DDX10: variants seen among roughly 807,000 people sequenced by gnomAD.
The protein encoded by DDX10 is probable ATP-dependent RNA helicase DDX10.
A neutral mutation model predicts 104.3 loss-of-function variants in DDX10; 74 were observed. The ratio of observed to expected loss-of-function variants is 0.71; its 90% CI spans 0.59 to 0.86. DDX10 has a LOEUF of 0.86. DDX10 is among the 40% of genes least tolerant of loss of function. The pLI, the probability that DDX10 is intolerant of heterozygous loss-of-function variation, is 0.00. For synonymous variants in DDX10, 351 were observed against 353.4 expected (o/e 0.99, Z 0.08); for missense variants, 952 against 1,040.0 (o/e 0.92, Z 1.16).
intron 13 of DDX10, among the ~76,000 whole-genome samples, chr11:108,765,512 T>C (rs761784853): frequency 6.6e-6 from 1 of 152,220 alleles, no homozygotes; most frequent in African/African-American, 2.4e-5. Flanking sequence ...AGAAAAATAT[T>C]TGTAGCCCTA....
At chr11:108,821,344 A>T (rs372705121) in intron 13 of DDX10, among the ~76,000 whole-genome samples, 20 of 152,282 alleles carry the variant, frequency 1.3e-4, no homozygotes, top group African/African-American at 4.8e-4. Flanking sequence ...TAAAAAGTTG[A>T]TTATGTAGCA....
intron 13 of DDX10, among the ~76,000 whole-genome samples, chr11:108,725,983 C>CT (rs572811416): frequency 1.6e-4 from 25 of 151,644 alleles, no homozygotes; most frequent in Non-Finnish European, 2.8e-4. Flanking sequence ...TCAAGGTACA[C>CT]TTTTTTTTGC....
At chr11:108,860,876 C>G (rs916520195) in intron 16 of DDX10, 2 of 151,834 alleles carry the variant, frequency 1.3e-5, no homozygotes, top group African/African-American at 4.8e-5. Context: ...AGGGAAGGCT[C>G]CATTTCCTCC....
chr11:108,873,336 T>G lies in DDX10; in HGVS notation c.2304+21127T>G, dbSNP rs184106734. On this transcript the variant is annotated intron_variant, in intron 16 of 17. Coordinates refer to ENST00000322536, the MANE Select transcript of DDX10 (RefSeq NM_004398.4). ...TTATCAAAAATGAGTATGTTGCCTC[T>G]GTCCCCTTGGGAACAAAAGTTACAA... is the stretch of plus-strand genomic sequence containing the variant. Among the ~76,000 whole-genome samples the G allele has an allele frequency of 2.6e-5, 4 of 152,318 alleles. No individual in the cohort carries two copies. The East Asian group carries it at 7.7e-4, about 29-fold the overall frequency.
chr11:108,670,324 GGA>G (rs1419569608), intron 1 of DDX10, among the ~76,000 whole-genome samples: 1 of 152,082 alleles, frequency 6.6e-6, no homozygotes, highest in Non-Finnish European at 1.5e-5. Context: ...TGAAGGAGAG[GGA>G]ACAGGAGTAG....
chr11:108,841,328 G>T lies in DDX10; in HGVS notation c.2099G>T (p.Trp700Leu). ...FTDEGELVQQ[W>L]PQMQKSAIKD... ...TTTTACCTGTAGTTGGTTCAGCAGT[G>T]GCCACAAATGCAGAAATCTGCCATC... Residue 700 changes from tryptophan to leucine, a missense_variant, in exon 15 of 18, where the codon TGG (tryptophan) becomes TTG (leucine). This residue lies in a region of DDX10 where 533 missense variants were observed against 534.1 expected (regional missense o/e 1.00). Transcript: ENST00000322536. 1 of 1,612,686 alleles carries T rather than the reference G, an allele frequency of 6.2e-7. No individual in the cohort carries two copies. Among genetic ancestry groups the T allele is most frequent in the Non-Finnish European group, 8.5e-7 (1 of 1,179,728 alleles).
At chr11:108,911,661 G>A (rs1223353302) in intron 16 of DDX10, among the ~76,000 whole-genome samples, 1 of 137,816 alleles carries the variant, frequency 7.3e-6, no homozygotes, top group African/African-American at 2.7e-5. Flanking sequence ...TCTGCCTCTT[G>A]GGCTCAAGCC....
At chr11:108,860,668 C>G (rs554844406) in intron 16 of DDX10, 1 of 152,168 alleles carries the variant, frequency 6.6e-6, no homozygotes, top group Non-Finnish European at 1.5e-5. Flanking sequence ...GCCTTACCCT[C>G]CCAAGTAGCT....
chr11:108,797,638 A>G (rs1283045252), intron 13 of DDX10, among the ~76,000 whole-genome samples: 1 of 152,222 alleles, frequency 6.6e-6, no homozygotes, highest in Non-Finnish European at 1.5e-5. Flanking sequence ...AATTGCATCT[A>G]TCATATAATT....
chr11:108,717,172 G>A (rs1213525185), intron 11 of DDX10, among the ~76,000 whole-genome samples: 4 of 152,186 alleles, frequency 2.6e-5, no homozygotes, highest in Non-Finnish European at 1.5e-5. Flanking sequence ...GATAGATGAG[G>A]TGGGAGGAAG....
At chr11:108,706,437 G>T (rs1222910144) in intron 9 of DDX10, among the ~76,000 whole-genome samples, 1 of 152,230 alleles carries the variant, frequency 6.6e-6, no homozygotes, top group East Asian at 1.9e-4. Flanking sequence ...GCTTGAGTGA[G>T]AAATTGTCTC....
At chr11:108,833,340 T>C (rs543664876) in intron 13 of DDX10, among the ~76,000 whole-genome samples, 10 of 152,372 alleles carry the variant, frequency 6.6e-5, no homozygotes, top group African/African-American at 2.2e-4. Flanking sequence ...CATATCTTTT[T>C]CCATAGATAG....
intron 6 of DDX10, among the ~76,000 whole-genome samples, chr11:108,680,279 A>C (rs2094232888): frequency 6.6e-6 from 1 of 152,160 alleles, no homozygotes; most frequent in Admixed American, 6.5e-5. Context: ...CAGTTGTGTG[A>C]ATATAGCTCA....
intron 13 of DDX10, among the ~76,000 whole-genome samples, chr11:108,812,998 A>AAAAAAAAAAAAAG (rs1301369667): frequency 2.0e-5 from 3 of 151,394 alleles, no homozygotes; most frequent in Non-Finnish European, 2.9e-5. Context: ...AAAAAAGAAC[A>AAAAAAAAAAAAAG]AACATTTACT....
intron 13 of DDX10, among the ~76,000 whole-genome samples, chr11:108,728,501 G>GTTTTTTTT (rs1565260503): frequency 1.6e-4 from 11 of 66,916 alleles, no homozygotes; most frequent in African/African-American, 8.8e-4. Flanking sequence ...ATACACATTT[G>GTTTTTTTT]TTCTTTTTTT....
intron 12 of DDX10, among the ~76,000 whole-genome samples, chr11:108,721,930 C>T (rs1386982935): frequency 2.0e-5 from 3 of 152,122 alleles, no homozygotes; most frequent in African/African-American, 7.2e-5. Context: ...GTTTGTGATC[C>T]TAACCCTAAC....
intron 13 of DDX10, among the ~76,000 whole-genome samples, chr11:108,820,682 A>G (rs1862315165): frequency 1.3e-5 from 2 of 152,158 alleles, no homozygotes. Flanking sequence ...GGAGGAAGCC[A>G]TGGTCCTGTC....
intron 13 of DDX10, among the ~76,000 whole-genome samples, chr11:108,833,597 G>C (rs188723727): frequency 2.0e-5 from 3 of 152,282 alleles, no homozygotes; most frequent in Admixed American, 6.5e-5. Context: ...ACTTCTTCAG[G>C]GGGGCAGGAC....
intron 9 of DDX10, among the ~76,000 whole-genome samples, chr11:108,702,133 T>C (rs2094269222): frequency 1.3e-5 from 2 of 152,158 alleles, no homozygotes; most frequent in Admixed American, 6.5e-5. Flanking sequence ...TTAGGATGTA[T>C]GTTAAATAAG....
Sources: gnomAD v4.1 joint callset for allele counts (sites outside exome capture counted in the v4.1 genomes callset) on GRCh38, gnomAD v4.1.1 for gene constraint, gnomAD v4.1.1 regional missense constraint, MANE v1.5 for transcripts, NCBI Gene and HGNC (gene_info 2026-07-23, HGNC 2026-07-21) for gene names.